Variants in ZNF804B observed in about 807,000 individuals in gnomAD.
ZNF804B encodes zinc finger protein 804B.
ZNF804B carries 80 observed loss-of-function variants against 101.4 expected under a neutral mutation model. The ratio of observed to expected loss-of-function variants is 0.79; its 90% CI spans 0.66 to 0.95. The LOEUF is 0.95. ZNF804B is among the 40% of genes least tolerant of loss of function. ZNF804B has a pLI of 0.00. For synonymous variants in ZNF804B, 622 were observed against 558.8 expected (o/e 1.11, Z -1.59); for missense variants, 1,673 against 1,561.9 (o/e 1.07, Z -1.20).
At chr7:88,792,066 A>T (rs551350814) in intron 1 of ZNF804B, among the ~76,000 whole-genome samples, 1 of 152,092 alleles carries the variant, frequency 6.6e-6, no homozygotes, top group African/African-American at 2.4e-5. Flanking sequence ...TGCTCACAGC[A>T]TAGTGTTTGA....
At chr7:89,179,360 C>T (rs574240236) in intron 1 of ZNF804B, among the ~76,000 whole-genome samples, 6 of 151,160 alleles carry the variant, frequency 4.0e-5, no homozygotes, top group African/African-American at 1.2e-4. Flanking sequence ...CTTTTTTTGT[C>T]TCCTCCGACT....
chr7:89,171,288 GCTTCTTCTTCTTCTTCTTCTTCTTCTT>G (rs1203060273), intron 1 of ZNF804B, among the ~76,000 whole-genome samples: 1 of 82,484 alleles, frequency 1.2e-5, no homozygotes, highest in Admixed American at 1.2e-4. Context: ...TGCTGCTGCT[GCTTCTTCTTCTTCTTCTTCTTCTTCTT>G]CTTCTTCTTC....
At chr7:88,868,029 TCTA>T (rs1271920647) in intron 1 of ZNF804B, among the ~76,000 whole-genome samples, 6 of 145,746 alleles carry the variant, frequency 4.1e-5, no homozygotes, top group African/African-American at 1.0e-4. Context: ...TATTCATAAT[TCTA>T]CTGTGTGTGT....
intron 1 of ZNF804B, among the ~76,000 whole-genome samples, chr7:88,914,881 A>G (rs1008952730): frequency 2.3e-4 from 35 of 152,208 alleles, no homozygotes; most frequent in Admixed American, 2.2e-3. Flanking sequence ...ATTTAGTAGA[A>G]CAAAGTATTA....
chr7:88,976,949 T>G (rs1448133209), intron 1 of ZNF804B, among the ~76,000 whole-genome samples: 2 of 151,688 alleles, frequency 1.3e-5, no homozygotes, highest in Admixed American at 1.3e-4. Context: ...TGAAGAGATG[T>G]TAAAGTTTAT....
chr7:88,959,277 G>A (rs903930565), intron 1 of ZNF804B, among the ~76,000 whole-genome samples: 2 of 151,382 alleles, frequency 1.3e-5, no homozygotes, highest in African/African-American at 4.8e-5. Context: ...CTATTCAAGT[G>A]TGTTATGTTA....
intron 1 of ZNF804B, among the ~76,000 whole-genome samples, chr7:89,190,933 A>G (rs1022533808): frequency 2.6e-5 from 4 of 152,174 alleles, no homozygotes; most frequent in Non-Finnish European, 4.4e-5. Flanking sequence ...ATAATAGACT[A>G]TAGGATACTG....
intron 1 of ZNF804B, among the ~76,000 whole-genome samples, chr7:88,910,335 G>A (rs767001761): frequency 2.6e-5 from 4 of 151,900 alleles, no homozygotes; most frequent in African/African-American, 7.2e-5. Context: ...TGAAGCAAAC[G>A]TCTCCCAATT....
rs1322784483 is a variant in ZNF804B at position 89,097,973 on chromosome 7, A to T, written c.109-120182A>T. On this transcript the variant is annotated intron_variant, in intron 1 of 3. Transcript: ENST00000333190. ...TAGCTGTCATTTACCTAGCAGGTAA[A>T]ATACATATTCAGAAGCTATATAATA... 2.0e-5 allele frequency among the ~76,000 whole-genome samples: 3 copies of T among 152,212 alleles called. No individual in the cohort carries two copies. The East Asian group carries it at 5.8e-4, about 29-fold the overall frequency.
chr7:88,847,381 G>A (rs903672071), intron 1 of ZNF804B, among the ~76,000 whole-genome samples: 2 of 151,818 alleles, frequency 1.3e-5, no homozygotes, highest in African/African-American at 2.4e-5. Flanking sequence ...AAGAGGATCC[G>A]TTTTTTAAAA....
chr7:88,919,130 C>T (rs1445899603), intron 1 of ZNF804B, among the ~76,000 whole-genome samples: 1 of 152,046 alleles, frequency 6.6e-6, no homozygotes, highest in South Asian at 2.1e-4. Context: ...ACCAAGGAGG[C>T]ATCATTATAA....
chr7:89,031,566 G>A (rs1406420262), intron 1 of ZNF804B, among the ~76,000 whole-genome samples: 1 of 151,730 alleles, frequency 6.6e-6, no homozygotes, highest in Non-Finnish European at 1.5e-5. Flanking sequence ...GTAAATGGCA[G>A]CAAAAACATA....
chr7:88,794,596 C>A, intron 1 of ZNF804B: 1 of 1,613,426 alleles, frequency 6.2e-7, no homozygotes, highest in Non-Finnish European at 8.5e-7. Context: ...TTTGACATGG[C>A]CAATATAATC....
chr7:89,036,607 C>G (rs1425488671), intron 1 of ZNF804B, among the ~76,000 whole-genome samples: 2 of 152,082 alleles, frequency 1.3e-5, no homozygotes, highest in South Asian at 2.1e-4. Context: ...TTTATCAACT[C>G]TATACAGAAA....
At chr7:89,330,270 G>A (rs919099287) in intron 3 of ZNF804B, among the ~76,000 whole-genome samples, 1 of 151,548 alleles carries the variant, frequency 6.6e-6, no homozygotes, top group Non-Finnish European at 1.5e-5. Context: ...TAAACTTTCC[G>A]ATGTAAGATG....
At chr7:89,217,126 T>A (rs1352932030) in intron 1 of ZNF804B, among the ~76,000 whole-genome samples, 1 of 152,172 alleles carries the variant, frequency 6.6e-6, no homozygotes, top group East Asian at 1.9e-4. Flanking sequence ...ATTGGTGGAA[T>A]AAATAGACAT....
chr7:88,793,046 G>T (rs1001063822), intron 1 of ZNF804B, among the ~76,000 whole-genome samples: 6 of 148,632 alleles, frequency 4.0e-5, no homozygotes, highest in African/African-American at 1.2e-4. Context: ...AGCTAAAAAT[G>T]AAAAAAAAAT....
chr7:88,885,286 T>G (rs905201686), intron 1 of ZNF804B, among the ~76,000 whole-genome samples: 6 of 151,882 alleles, frequency 4.0e-5, no homozygotes, highest in African/African-American at 1.4e-4. Context: ...TATTGAAATG[T>G]TCATGGTTTA....
At chr7:88,784,732 C>T (rs1790275720) in intron 1 of ZNF804B, among the ~76,000 whole-genome samples, 1 of 152,168 alleles carries the variant, frequency 6.6e-6, no homozygotes. Flanking sequence ...ATAGGTCACC[C>T]TCTCCAAGTC....
Sources: allele counts gnomAD v4.1 joint callset (sites outside exome capture counted in the v4.1 genomes callset), GRCh38; gene constraint gnomAD v4.1.1; transcripts MANE v1.5; gene names NCBI Gene and HGNC (gene_info 2026-07-23, HGNC 2026-07-21).